Variants in GC observed in about 807,000 individuals in gnomAD.
GC encodes the protein vitamin D-binding protein.
A neutral mutation model predicts 56.7 loss-of-function variants in GC; 43 were observed. That is an observed-to-expected ratio of 0.76 (90% CI 0.59 to 0.98). The LOEUF is 0.98. GC is among the 50% of genes least tolerant of loss of function. The pLI, the probability that GC is intolerant of heterozygous loss-of-function variation, is 0.00. For missense variants in GC, 529 were observed against 545.9 expected, an observed-to-expected ratio of 0.97 and a Z score of 0.31; for synonymous variants, 216 against 202.7, an observed-to-expected ratio of 1.07 and a Z score of -0.56.
chr4:71,759,722 C>T (rs1188369947), intron 6 of GC: 1 of 112,030 alleles, frequency 8.9e-6, no homozygotes, highest in Non-Finnish European at 1.7e-5. Context: ...GTCTTTTACC[C>T]CTATTTTAAT....
chr4:71,755,080 A>C lies in GC; in HGVS notation c.1062T>G (p.Thr354=). 6.3e-7 allele frequency: 1 copy of C among 1,590,460 alleles called. No individual in the cohort carries two copies. Among genetic ancestry groups the C allele is most frequent in the Non-Finnish European group, 8.6e-7 (1 of 1,163,458 alleles). Residue 354 remains threonine (T), a synonymous_variant, in exon 9 of 13, where the codon ACT becomes ACG. Coordinates refer to ENST00000273951, the MANE Select transcript of GC (RefSeq NM_000583.4). ...DKYTFELSRR[T]HLPEVFLSKV... ...TACTGAGGAATACTTCCGGAAGATG[A>C]GTCCTTCTGCTTAGTTCAAATGTAT...
intron 1 of GC, among the ~76,000 whole-genome samples, chr4:71,789,997 C>T (rs1398918251): frequency 6.6e-6 from 1 of 151,946 alleles, no homozygotes; most frequent in Non-Finnish European, 1.5e-5. Flanking sequence ...AATTTTAGCA[C>T]TTCCCCTTGT....
At chr4:71,767,158 A>G (rs1363694011) in intron 3 of GC, among the ~76,000 whole-genome samples, 3 of 152,202 alleles carry the variant, frequency 2.0e-5, no homozygotes, top group Admixed American at 6.5e-5. Context: ...CAGGTAAAGC[A>G]ATTAATGGGT....
At chr4:71,797,568 A>T (rs72645659) in intron 1 of GC, among the ~76,000 whole-genome samples, 1 of 152,266 alleles carries the variant, frequency 6.6e-6, no homozygotes, top group Non-Finnish European at 1.5e-5. Flanking sequence ...TTCCAGGTAC[A>T]TTCTGTCACG....
intron 1 of GC, among the ~76,000 whole-genome samples, chr4:71,783,351 C>A (rs1742746237): frequency 6.6e-6 from 1 of 151,584 alleles, no homozygotes; most frequent in South Asian, 2.1e-4. Context: ...TTAAACATTG[C>A]CCAAAGATGA....
chr4:71,798,876 T>C (rs1743178405), intron 1 of GC, among the ~76,000 whole-genome samples: 2 of 152,212 alleles, frequency 1.3e-5, no homozygotes. Context: ...TTAGCCACTT[T>C]TAGGCAAGTC....
At chr4:71,760,647 T>C (rs1346204908) in intron 6 of GC, among the ~76,000 whole-genome samples, 1 of 152,222 alleles carries the variant, frequency 6.6e-6, no homozygotes, top group East Asian at 1.9e-4. Context: ...AAATCTCATC[T>C]TCAATTGTAA....
chr4:71,749,034 A>G (rs1455054781), intron 11 of GC, among the ~76,000 whole-genome samples: 3 of 152,224 alleles, frequency 2.0e-5, no homozygotes, highest in African/African-American at 7.2e-5. Context: ...CTGTTCAAAC[A>G]GATGTTGCAC....
chr4:71,760,341 C>T (rs923644518), intron 6 of GC, among the ~76,000 whole-genome samples: 11 of 151,866 alleles, frequency 7.2e-5, no homozygotes, highest in Non-Finnish European at 1.5e-4. Context: ...TGTGAGCCAC[C>T]GTGCCTGGAC....
Position 71,780,113 on chromosome 4 carries a change from G to A in GC, c.58+3848C>T, listed in dbSNP as rs1742626351. Among the ~76,000 whole-genome samples, 4 of 151,918 alleles carry A rather than the reference G, an allele frequency of 2.6e-5. No homozygotes were observed. The South Asian group carries it at 6.2e-4, about 24-fold the overall frequency. On this transcript the variant is annotated intron_variant, in intron 1 of 12. Coordinates refer to ENST00000273951, the MANE Select transcript of GC (RefSeq NM_000583.4). ...CGACCCTCTGATCTTTGACAAACCT[G>A]ACAAAAACAAGAAATGGAGAAAGGA...
At chr4:71,774,332 A>G (rs986621683) in intron 1 of GC, among the ~76,000 whole-genome samples, 5 of 152,054 alleles carry the variant, frequency 3.3e-5, no homozygotes, top group African/African-American at 1.2e-4. Context: ...ACAGCATCAC[A>G]GACTCACTCA....
intron 8 of GC, 22 bp from the exon 9 acceptor site, chr4:71,755,129 G>T: frequency 7.4e-6 from 9 of 1,211,008 alleles, no homozygotes; most frequent in Non-Finnish European, 1.0e-5. Flanking sequence ...GAGAAAAGGA[G>T]ATATGTGTTA....
chr4:71,768,701 C>T (rs896880129), intron 2 of GC, among the ~76,000 whole-genome samples: 1 of 152,100 alleles, frequency 6.6e-6, no homozygotes. Context: ...CTTGACTTTG[C>T]GATCCACCCT....
At chr4:71,744,303 A>AC (rs372798554) in intron 12 of GC, among the ~76,000 whole-genome samples, 109 of 146,696 alleles carry the variant, frequency 7.4e-4, no homozygotes, top group African/African-American at 2.6e-3. Flanking sequence ...AAAAAAAAAA[A>AC]CCCAAATTAG....
intron 1 of GC, among the ~76,000 whole-genome samples, chr4:71,779,869 G>T (rs1236452080): frequency 6.6e-6 from 1 of 151,714 alleles, no homozygotes; most frequent in African/African-American, 2.4e-5. Flanking sequence ...TGACAGGGAA[G>T]GAAGAGAAGG....
chr4:71,769,310 G>A, intron 2 of GC, 21 bp downstream of exon 2: 1 of 1,545,436 alleles, frequency 6.5e-7, no homozygotes, highest in Admixed American at 1.7e-5. Flanking sequence ...CCAACAGAGT[G>A]AGTGGCTGCT....
intron 1 of GC, among the ~76,000 whole-genome samples, chr4:71,799,681 T>A (rs4235098): frequency 2.7e-4 from 41 of 152,124 alleles, no homozygotes; most frequent in African/African-American, 9.2e-4. Flanking sequence ...ACCAACGTCT[T>A]GAAGATTTTA....
In GC at chr4:71,781,290, C is replaced by T. The variant is rs192659969; in HGVS notation, c.58+2671G>A. The stretch of plus-strand genomic sequence containing the variant: ...TAGGAGAAATACCTAATGTAAATGA[C>T]GAGTTAATGGGTGTCAGCAAACCAA... On this transcript the variant is annotated intron_variant, in intron 1 of 12. Coordinates refer to ENST00000273951, the MANE Select transcript of GC (RefSeq NM_000583.4). Among the ~76,000 whole-genome samples the T allele has an allele frequency of 1.1e-4, 17 of 151,618 alleles. No homozygotes were observed. The East Asian group carries it at 2.7e-3, about 24-fold the overall frequency.
intron 5 of GC, 117 bp from the exon 6 acceptor site, chr4:71,763,619 T>TATTTAATGAATA: frequency 1.3e-6 from 1 of 761,068 alleles, no homozygotes; most frequent in Non-Finnish European, 2.2e-6. Context: ...AACTGAACAC[T>TATTTAATGAATA]GGTGAAAGGA....
Sources: gnomAD v4.1 joint callset for allele counts (sites outside exome capture counted in the v4.1 genomes callset) on GRCh38, gnomAD v4.1.1 for gene constraint, MANE v1.5 for transcripts, NCBI Gene and HGNC (gene_info 2026-07-23, HGNC 2026-07-21) for gene names.